Variants in OSBPL8 observed in about 807,000 individuals in gnomAD.
The protein encoded by OSBPL8 is oxysterol binding protein like 8, also known as oxysterol-binding protein-related protein 8.
OSBPL8 carries 59 observed loss-of-function variants against 125.5 expected under a neutral mutation model. That is an observed-to-expected ratio of 0.47 (90% CI 0.38 to 0.58). The LOEUF is 0.58. OSBPL8 is among the 20% of genes least tolerant of loss of function. OSBPL8 has a pLI of 0.00. For synonymous variants in OSBPL8, 330 were observed against 338.9 expected (o/e 0.97, Z 0.29); for missense variants, 758 against 1,047.8 (o/e 0.72, Z 3.82).
At chr12:76,498,225 C>A (rs992109140) in intron 1 of OSBPL8, among the ~76,000 whole-genome samples, 3 of 152,110 alleles carry the variant, frequency 2.0e-5, no homozygotes, top group Non-Finnish European at 4.4e-5. Context: ...GCCAACATGG[C>A]GAAACCCTGT....
chr12:76,501,111 A>T (rs2137116206), intron 1 of OSBPL8, among the ~76,000 whole-genome samples: 1 of 152,284 alleles, frequency 6.6e-6, no homozygotes, highest in Non-Finnish European at 1.5e-5. Flanking sequence ...ACACACACAC[A>T]CATAGACACA....
At chr12:76,395,729 A>G (rs1335842351) in intron 8 of OSBPL8, among the ~76,000 whole-genome samples, 1 of 152,092 alleles carries the variant, frequency 6.6e-6, no homozygotes, top group Non-Finnish European at 1.5e-5. Flanking sequence ...TAGGTATGAG[A>G]ATTAAATAAA....
chr12:76,538,262 T>G (rs895776101), intron 1 of OSBPL8, among the ~76,000 whole-genome samples: 13 of 152,328 alleles, frequency 8.5e-5, no homozygotes, highest in Non-Finnish European at 1.9e-4. Flanking sequence ...CTCAGAATCA[T>G]GAATAATTTT....
At chr12:76,386,356 T>A in intron 13 of OSBPL8, 90 bp from the exon 14 acceptor site, 1 of 1,452,712 alleles carries the variant, frequency 6.9e-7, no homozygotes. Flanking sequence ...AACTCTACCA[T>A]CTGGGAACCG....
At chr12:76,525,218 A>G (rs902954141) in intron 1 of OSBPL8, among the ~76,000 whole-genome samples, 2 of 152,190 alleles carry the variant, frequency 1.3e-5, no homozygotes, top group African/African-American at 4.8e-5. Context: ...CATTTGCTGG[A>G]TATTTTATGT....
intron 6 of OSBPL8, among the ~76,000 whole-genome samples, chr12:76,401,524 C>G (rs888210600): frequency 6.6e-6 from 1 of 152,102 alleles, no homozygotes; most frequent in Non-Finnish European, 1.5e-5. Context: ...TTTACAGACA[C>G]GAAAACTGAG....
At chr12:76,433,318 T>C (rs979877286) in intron 4 of OSBPL8, among the ~76,000 whole-genome samples, 1 of 152,108 alleles carries the variant, frequency 6.6e-6, no homozygotes, top group Non-Finnish European at 1.5e-5. Context: ...ATCATACACG[T>C]AGAAAACCCT....
intron 1 of OSBPL8, among the ~76,000 whole-genome samples, chr12:76,531,451 G>T (rs1463433482): frequency 6.6e-6 from 1 of 152,140 alleles, no homozygotes; most frequent in Non-Finnish European, 1.5e-5. Flanking sequence ...CAGACCAATT[G>T]CTTGTACATT....
At chr12:76,386,445 A>G (rs1953317056) in intron 13 of OSBPL8, 134 bp downstream of exon 13, 2 of 1,281,626 alleles carry the variant, frequency 1.6e-6, no homozygotes, top group Non-Finnish European at 1.0e-6. Flanking sequence ...TGTCTAAATG[A>G]TCAGGTATTT....
chr12:76,358,788 A>C lies in OSBPL8; in HGVS notation c.2352T>G (p.His784Gln). The stretch of plus-strand genomic sequence containing the variant: ...CTTTCTTCTGTTGCCTGGTTGGCTT[A>C]TGTTTCATTTTGGGGACGCTAACCT... ...TPMVSVPKMK[H>Q]KPTRQQKKVA... The change falls in exon 22 of 24, where the codon CAT becomes CAG. Residue 784 changes from histidine to glutamine, a missense_variant. His to Gln is a conservative substitution (Grantham distance 24, BLOSUM62 0). Transcript: ENST00000261183. 1 of 1,614,038 alleles carries C rather than the reference A, an allele frequency of 6.2e-7. No homozygotes were observed. Among genetic ancestry groups the C allele is most frequent in the Non-Finnish European group, 8.5e-7 (1 of 1,179,940 alleles).
intron 4 of OSBPL8, among the ~76,000 whole-genome samples, chr12:76,444,881 T>C (rs1265441074): frequency 6.6e-6 from 1 of 152,218 alleles, no homozygotes; most frequent in Non-Finnish European, 1.5e-5. Flanking sequence ...TTTTTGAGAA[T>C]GAGAGGGACA....
chr12:76,384,783 T>C (rs1174688640), intron 14 of OSBPL8, among the ~76,000 whole-genome samples: 3 of 152,328 alleles, frequency 2.0e-5, no homozygotes, highest in Admixed American at 6.5e-5. Context: ...GTGATGAACC[T>C]GGACGTGAAT....
chr12:76,445,421 C>T (rs1340195365), intron 4 of OSBPL8, among the ~76,000 whole-genome samples: 1 of 152,008 alleles, frequency 6.6e-6, no homozygotes, highest in Admixed American at 6.6e-5. Context: ...AGAAAGAAAG[C>T]ATTAAGAAAA....
At chr12:76,429,370 C>T (rs765897058) in intron 4 of OSBPL8, among the ~76,000 whole-genome samples, 46 of 151,714 alleles carry the variant, frequency 3.0e-4, no homozygotes, top group Non-Finnish European at 6.0e-4. Flanking sequence ...ATGTTAGGCA[C>T]CTTAGTTTCC....
At chr12:76,447,457 A>C (rs898681299) in intron 4 of OSBPL8, among the ~76,000 whole-genome samples, 7 of 152,248 alleles carry the variant, frequency 4.6e-5, no homozygotes, top group African/African-American at 1.2e-4. Context: ...AAAATATAGA[A>C]GATACAGAAA....
intron 1 of OSBPL8, among the ~76,000 whole-genome samples, chr12:76,551,188 T>A (rs145431634): frequency 2.6e-5 from 4 of 152,320 alleles, no homozygotes; most frequent in African/African-American, 7.2e-5. Context: ...CTGCTCCCCA[T>A]GAACCTTACC....
intron 4 of OSBPL8, among the ~76,000 whole-genome samples, chr12:76,448,044 A>G (rs1051025016): frequency 2.0e-5 from 3 of 152,232 alleles, no homozygotes; most frequent in Admixed American, 2.0e-4. Context: ...ATGTTAAGCA[A>G]TTATCATCAG....
rs1220534723 is a variant in OSBPL8, at chr12:76,353,645, G to A, written c.*2244C>T. The A allele has an allele frequency of 6.6e-6, 1 of 152,304 alleles. No individual in the cohort carries two copies. Among genetic ancestry groups the A allele is most frequent in the Non-Finnish European group, 1.5e-5 (1 of 67,824 alleles). The allele number at this position is 152,304 out of a possible 1,614,324, so 9.4% of individuals were successfully genotyped here. On this transcript the variant is annotated 3_prime_UTR_variant, in exon 24 of 24. Coordinates refer to ENST00000261183, the MANE Select transcript of OSBPL8 (RefSeq NM_020841.5). ...ATTCATATAACTAAGCCTAGTACAA[G>A]CACTGATCTAAAATTAAGCCACCAA...
At chr12:76,461,441 A>G (rs1323364518) in intron 2 of OSBPL8, among the ~76,000 whole-genome samples, 1 of 151,936 alleles carries the variant, frequency 6.6e-6, no homozygotes, top group Non-Finnish European at 1.5e-5. Context: ...TCCACCCTCC[A>G]TCCCCAGTCT....
Sources: gnomAD v4.1 joint callset for allele counts (sites outside exome capture counted in the v4.1 genomes callset) on GRCh38, gnomAD v4.1.1 for gene constraint, MANE v1.5 for transcripts, NCBI Gene and HGNC (gene_info 2026-07-23, HGNC 2026-07-21) for gene names.